Variants in RALY observed in about 807,000 individuals in gnomAD.
RALY encodes the protein RNA-binding protein Raly.
A neutral mutation model predicts 30.7 loss-of-function variants in RALY; 15 were observed. The observed-to-expected ratio is 0.49, with a 90% CI of 0.33 to 0.75. The LOEUF (loss-of-function observed/expected upper bound fraction) is 0.75, where lower values mean the gene tolerates loss of function less well. Ranked by LOEUF, RALY falls within the 30% of genes least tolerant of loss-of-function variation. RALY has a pLI of 0.02. For missense variants in RALY, 339 were observed against 414.3 expected (o/e 0.82, Z 1.58); for synonymous variants, 177 against 170.8 (o/e 1.04, Z -0.28).
chr20:34,069,431 G>A (rs1263166145), intron 2 of RALY, among the ~76,000 whole-genome samples: 1 of 152,110 alleles, frequency 6.6e-6, no homozygotes, highest in Non-Finnish European at 1.5e-5. Flanking sequence ...GGTGCTTGTG[G>A]CTCCCAGTAG....
At chr20:34,047,040 A>G (rs2032906527) in intron 2 of RALY, among the ~76,000 whole-genome samples, 1 of 152,074 alleles carries the variant, frequency 6.6e-6, no homozygotes, top group Non-Finnish European at 1.5e-5. Flanking sequence ...GCTGGTTTCG[A>G]ACTACTGACC....
chr20:34,056,969 C>T (rs566939980), intron 2 of RALY, among the ~76,000 whole-genome samples: 179 of 152,294 alleles, frequency 1.2e-3, no homozygotes, highest in African/African-American at 4.2e-3. Flanking sequence ...AGCTTTCCCT[C>T]AGATGCTATT....
At chr20:34,014,202 A>G (rs1231874310) in intron 1 of RALY, among the ~76,000 whole-genome samples, 1 of 152,192 alleles carries the variant, frequency 6.6e-6, no homozygotes, top group Non-Finnish European at 1.5e-5. Flanking sequence ...AAGTTCTTAT[A>G]TAAATACCCC....
intron 1 of RALY, among the ~76,000 whole-genome samples, chr20:33,999,762 C>A (rs1165068777): frequency 1.3e-5 from 2 of 151,792 alleles, no homozygotes; most frequent in African/African-American, 4.8e-5. Context: ...TGGGGCAGGG[C>A]AGGGTAGGAC....
At chr20:34,069,734 A>G (rs574941597) in intron 2 of RALY, among the ~76,000 whole-genome samples, 5 of 152,322 alleles carry the variant, frequency 3.3e-5, no homozygotes, top group African/African-American at 1.2e-4. Flanking sequence ...CCTCGTATGC[A>G]CAGTGTGTTA....
At chr20:34,059,517 G>A (rs950634869) in intron 2 of RALY, among the ~76,000 whole-genome samples, 5 of 152,122 alleles carry the variant, frequency 3.3e-5, no homozygotes, top group Admixed American at 6.6e-5. Context: ...TGTGTTACAG[G>A]GATTTTTATC....
rs936865866 is a variant in RALY, at chr20:34,083,058, C to G, written c.*3153C>G. ...CTTTTTCCTTACCAGGTCTCAGTTTCCTCAGCTGTAAAATGAGAGGTTGAT... is the reference window on the plus strand; with the variant it reads ...CTTTTTCCTTACCAGGTCTCAGTTTGCTCAGCTGTAAAATGAGAGGTTGAT... On this transcript the variant is annotated 3_prime_UTR_variant, in exon 10 of 10. Transcript: ENST00000246194. 6.6e-6 allele frequency: 1 copy of G among 152,330 alleles called. No individual in the cohort carries two copies. Among genetic ancestry groups the G allele is most frequent in the African/African-American group, 2.4e-5 (1 of 41,572 alleles). 9.4% of individuals were successfully genotyped at this position (152,330 alleles called of 1,614,324 possible). A position where few individuals can be genotyped will look rare whatever the true frequency, so the allele number is the denominator to read the frequency against.
In RALY at chr20:34,033,974, C is replaced by T. The variant is rs563464152; in HGVS notation, c.-10+2370C>T. On this transcript the variant is annotated intron_variant, in intron 2 of 9. Transcript: ENST00000246194. ...CAAAGCCAGGTAGCACAGGCAGCCACGATTTGCAATATGTGTGCTGCAGAG... is the reference window on the plus strand; with the variant it reads ...CAAAGCCAGGTAGCACAGGCAGCCATGATTTGCAATATGTGTGCTGCAGAG... Among the ~76,000 whole-genome samples, 18 of 152,240 alleles carry T rather than the reference C, an allele frequency of 1.2e-4. No homozygotes were observed. In the East Asian group the frequency reaches 3.3e-3, roughly 28 times the overall value.
chr20:34,077,769 A>G (rs1024850166), intron 8 of RALY: 1 of 213,242 alleles, frequency 4.7e-6, no homozygotes, highest in Non-Finnish European at 9.5e-6. Context: ...AGTCTGTGGG[A>G]TATGGGTTGT....
chr20:34,006,367 C>G (rs1435540470), intron 1 of RALY, among the ~76,000 whole-genome samples: 1 of 152,198 alleles, frequency 6.6e-6, no homozygotes, highest in Admixed American at 6.5e-5. Context: ...AATTATAATG[C>G]CATTACCATC....
intron 1 of RALY, among the ~76,000 whole-genome samples, chr20:34,001,594 G>A (rs2030916924): frequency 6.6e-6 from 1 of 152,114 alleles, no homozygotes; most frequent in African/African-American, 2.4e-5. Context: ...TTAGTTAACG[G>A]TACTGCTTAC....
At chr20:34,076,309 G>C (rs1350536243) in intron 6 of RALY, 2 of 537,426 alleles carry the variant, frequency 3.7e-6, no homozygotes, top group Non-Finnish European at 6.7e-6. Context: ...GATAAGGACA[G>C]GTCTACCCAG....
At chr20:34,073,775 G>A (rs760685068) in intron 4 of RALY, 44 bp from the exon 5 acceptor site, 14 of 1,604,070 alleles carry the variant, frequency 8.7e-6, no homozygotes, top group Non-Finnish European at 1.0e-5. Context: ...AGTGGGCTGA[G>A]TGGCCGTCCC....
chr20:34,008,817 C>T (rs1417114779), intron 1 of RALY, among the ~76,000 whole-genome samples: 1 of 152,112 alleles, frequency 6.6e-6, no homozygotes, highest in East Asian at 1.9e-4. Flanking sequence ...TGCCACTACA[C>T]CCAAGTGTTT....
chr20:34,077,505 T>C (rs1157196710), intron 8 of RALY: 2 of 644,778 alleles, frequency 3.1e-6, no homozygotes, highest in Non-Finnish European at 5.1e-6. Context: ...GGTTTCCACA[T>C]GAGTTGGAGA....
intron 1 of RALY, among the ~76,000 whole-genome samples, chr20:33,996,946 T>C (rs1047669851): frequency 3.9e-5 from 6 of 152,138 alleles, no homozygotes; most frequent in Non-Finnish European, 8.8e-5. Context: ...GCATTGTAAA[T>C]GCAAAATTAT....
intron 5 of RALY, 92 bp from the exon 6 acceptor site, chr20:34,075,782 C>G: frequency 7.1e-7 from 1 of 1,409,772 alleles, no homozygotes; most frequent in Non-Finnish European, 9.6e-7. Flanking sequence ...CTCCCAGCCC[C>G]TCACCAGCCA....
chr20:34,035,152 C>CAAAAAAAAAAAAAAAAAAAAAAAA, intron 2 of RALY, among the ~76,000 whole-genome samples: 1 of 32,512 alleles, frequency 3.1e-5, no homozygotes, highest in Non-Finnish European at 8.9e-5. Flanking sequence ...GACTCCATCT[C>CAAAAAAAAAAAAAAAAAAAAAAAA]AAAAAAAAAA....
intron 1 of RALY, among the ~76,000 whole-genome samples, chr20:33,997,381 G>T (rs939263994): frequency 6.6e-6 from 1 of 152,160 alleles, no homozygotes; most frequent in Admixed American, 6.5e-5. Context: ...CTTCCAAAGT[G>T]CTGGGATTAC....
Sources: allele counts gnomAD v4.1 joint callset (sites outside exome capture counted in the v4.1 genomes callset), GRCh38; gene constraint gnomAD v4.1.1; transcripts MANE v1.5; gene names NCBI Gene and HGNC (gene_info 2026-07-23, HGNC 2026-07-21).